The following ACOXL variants were observed in gnomAD, a reference collection of about 807,000 sequenced individuals.
ACOXL encodes acyl-CoA oxidase like.
A neutral mutation model predicts 71.9 loss-of-function variants in ACOXL; 70 were observed. The observed-to-expected ratio is 0.97, with a 90% CI of 0.80 to 1.19. The LOEUF is 1.19. ACOXL is among the 50% of genes most tolerant of loss of function. The pLI is 0.00. For missense variants in ACOXL, 703 were observed against 736.3 expected, an observed-to-expected ratio of 0.95 and a Z score of 0.52; for synonymous variants, 253 against 281.6, an observed-to-expected ratio of 0.90 and a Z score of 1.02.
At position 110,896,042 on chromosome 2, in the gene ACOXL, A is replaced by G. The variant is rs118101002; in HGVS notation, c.789-12747A>G. Among the ~76,000 whole-genome samples the G allele has an allele frequency of 1.2e-4, 18 of 152,316 alleles. 1 individual carries two copies. In the East Asian group the frequency reaches 3.5e-3, roughly 29 times the overall value. On this transcript the variant is annotated intron_variant, in intron 10 of 17. Transcript: ENST00000439055. ...TTTGGCAGTAAGCAAAAGTTAATAC[A>G]CTGCCTGATGTGGTTCTAAATTAAT...
At chr2:110,811,172 TACCTGATGGACACC>T (rs112769683) in intron 9 of ACOXL, among the ~76,000 whole-genome samples, 32 of 152,350 alleles carry the variant, frequency 2.1e-4, no homozygotes, top group African/African-American at 7.5e-4. Context: ...ACCATTCGAC[TACCTGATGGACACC>T]ACACTTCACA....
At chr2:110,906,615 AAAC>A (rs1226116776) in intron 10 of ACOXL, among the ~76,000 whole-genome samples, 3 of 151,430 alleles carry the variant, frequency 2.0e-5, no homozygotes, top group African/African-American at 2.4e-5. Context: ...CCAACCTAAC[AAAC>A]AACAACAACA....
chr2:111,013,868 T>C lies in ACOXL; in HGVS notation c.1282-17759T>C, dbSNP rs183175670. ...AACAAATATTCTCCACGAATATAGGTGAAAATACATAATAGAATACATCAT... is the reference window on the plus strand; with the variant it reads ...AACAAATATTCTCCACGAATATAGGCGAAAATACATAATAGAATACATCAT... On this transcript the variant is annotated intron_variant, in intron 14 of 17. Coordinates refer to ENST00000439055, the MANE Select transcript of ACOXL (RefSeq NM_001142807.4). 4.0e-5 allele frequency among the ~76,000 whole-genome samples: 6 copies of C among 150,944 alleles called. No individual in the cohort carries two copies. In the East Asian group the frequency reaches 1.2e-3, roughly 29 times the overall value.
intron 10 of ACOXL, among the ~76,000 whole-genome samples, chr2:110,844,535 TTTTTC>T (rs1456273677): frequency 2.7e-5 from 4 of 149,902 alleles, no homozygotes; most frequent in Admixed American, 6.7e-5. Context: ...CTCTTCTTTT[TTTTTC>T]TTTTCTTTTC....
intron 1 of ACOXL, among the ~76,000 whole-genome samples, chr2:110,737,797 A>G (rs1407232479): frequency 6.6e-6 from 1 of 152,042 alleles, no homozygotes; most frequent in Non-Finnish European, 1.5e-5. Context: ...CTGCGTCTTC[A>G]CCACCCCCTT....
rs936937563 is a variant in ACOXL, at chr2:111,081,876, A to G, written c.1441-10989A>G. ...GCCTCAGAAATAATGCTACACATCTATAATCATCTGATCTTTGACAAACCT... is the reference window on the plus strand; with the variant it reads ...GCCTCAGAAATAATGCTACACATCTGTAATCATCTGATCTTTGACAAACCT... On this transcript the variant is annotated intron_variant, in intron 16 of 17. Coordinates refer to ENST00000439055, the MANE Select transcript of ACOXL (RefSeq NM_001142807.4). 4.6e-5 allele frequency among the ~76,000 whole-genome samples: 7 copies of G among 152,340 alleles called. No individual in the cohort carries two copies. The East Asian group carries it at 7.7e-4, about 17-fold the overall frequency.
At chr2:111,007,577 G>A (rs1442022867) in intron 14 of ACOXL, among the ~76,000 whole-genome samples, 1 of 152,168 alleles carries the variant, frequency 6.6e-6, no homozygotes, top group Admixed American at 6.6e-5. Flanking sequence ...TCCCTTTGAA[G>A]TGCCTCTATC....
chr2:111,104,550 T>C (rs190781544), intron 17 of ACOXL, among the ~76,000 whole-genome samples: 130 of 152,328 alleles, frequency 8.5e-4, no homozygotes, highest in Admixed American at 1.6e-3. Context: ...ATGTAGTATA[T>C]TTCATTGTAG....
At chr2:110,796,944 C>T (rs1028314728) in intron 5 of ACOXL, among the ~76,000 whole-genome samples, 1 of 152,198 alleles carries the variant, frequency 6.6e-6, no homozygotes, top group Non-Finnish European at 1.5e-5. Context: ...AATCTTTGCA[C>T]GATCAATAGC....
rs561171414 is a variant in ACOXL at position 110,755,604 on chromosome 2, A to T, written c.-22-12764A>T. On this transcript the variant is annotated intron_variant, in intron 1 of 17. Transcript: ENST00000439055. ...AATTTAGATATTATTATTATGATAAACCGGTGTTCAAGCTTTCAGCTAGTT... is the reference window on the plus strand; with the variant it reads ...AATTTAGATATTATTATTATGATAATCCGGTGTTCAAGCTTTCAGCTAGTT... Among the ~76,000 whole-genome samples the T allele has an allele frequency of 9.2e-5, 14 of 152,340 alleles. No homozygotes were observed. In the East Asian group the frequency reaches 2.5e-3, roughly 27 times the overall value.
At chr2:110,986,802 G>C (rs1228263117) in intron 12 of ACOXL, among the ~76,000 whole-genome samples, 1 of 152,148 alleles carries the variant, frequency 6.6e-6, no homozygotes, top group East Asian at 1.9e-4. Flanking sequence ...AAGGCAAGCA[G>C]GTTTTACTAA....
chr2:110,915,492 C>T (rs1480285695), intron 11 of ACOXL, among the ~76,000 whole-genome samples: 10 of 147,038 alleles, frequency 6.8e-5, no homozygotes, highest in African/African-American at 1.8e-4. Context: ...GGCACAATCT[C>T]GGCTCACTGC....
chr2:110,974,080 T>G (rs1457649671), intron 12 of ACOXL, among the ~76,000 whole-genome samples: 1 of 152,218 alleles, frequency 6.6e-6, no homozygotes, highest in Non-Finnish European at 1.5e-5. Flanking sequence ...GAGGTTGTGC[T>G]GGCTGCCTGT....
At chr2:110,965,813 A>T (rs1167587203) in intron 12 of ACOXL, among the ~76,000 whole-genome samples, 1 of 152,182 alleles carries the variant, frequency 6.6e-6, no homozygotes, top group Admixed American at 6.5e-5. Context: ...TTGGGACTTG[A>T]ACAATGAAAC....
At chr2:110,770,071 C>T (rs1379094464) in intron 2 of ACOXL, among the ~76,000 whole-genome samples, 1 of 151,986 alleles carries the variant, frequency 6.6e-6, no homozygotes, top group African/African-American at 2.4e-5. Flanking sequence ...AACAAAAAAC[C>T]CAACACCACC....
intron 16 of ACOXL, among the ~76,000 whole-genome samples, chr2:111,085,275 C>T (rs1447194801): frequency 6.6e-6 from 1 of 152,164 alleles, no homozygotes; most frequent in Non-Finnish European, 1.5e-5. Context: ...ACAGAAGATA[C>T]ATTCATCTCA....
intron 10 of ACOXL, among the ~76,000 whole-genome samples, chr2:110,869,181 G>T (rs1438630636): frequency 1.3e-5 from 2 of 152,200 alleles, no homozygotes; most frequent in African/African-American, 4.8e-5. Flanking sequence ...GAGATGGTAA[G>T]CTTCTCCCCT....
At chr2:111,031,436 C>G (rs2065260268) in intron 14 of ACOXL, among the ~76,000 whole-genome samples, 191 bp from the exon 15 acceptor site, 1 of 152,162 alleles carries the variant, frequency 6.6e-6, no homozygotes, top group African/African-American at 2.4e-5. Flanking sequence ...CAGGGCTTCT[C>G]TACATGTATG....
intron 9 of ACOXL, among the ~76,000 whole-genome samples, chr2:110,823,894 G>A (rs1688897809): frequency 1.3e-5 from 2 of 152,072 alleles, no homozygotes; most frequent in Admixed American, 6.6e-5. Context: ...TATGTGTTTT[G>A]CAGAGATTTT....
Sources: gnomAD v4.1 joint callset for allele counts (sites outside exome capture counted in the v4.1 genomes callset) on GRCh38, gnomAD v4.1.1 for gene constraint, MANE v1.5 for transcripts, NCBI Gene and HGNC (gene_info 2026-07-23, HGNC 2026-07-21) for gene names.